IER3IP1: variants seen among roughly 807,000 people sequenced by gnomAD.
IER3IP1 encodes immediate early response 3 interacting protein 1.
Under a neutral mutation model 12.2 loss-of-function variants are expected in IER3IP1, and 16 were observed. That is an observed-to-expected ratio of 1.31 (90% confidence interval 0.89 to 1.99). The LOEUF (loss-of-function observed/expected upper bound fraction) is 1.99. Ranked by LOEUF, IER3IP1 falls within the 30% of genes most tolerant of loss-of-function variation. The pLI is 0.00. For missense variants in IER3IP1, 95 were observed against 95.8 expected, an observed-to-expected ratio of 0.99 and a Z score of 0.03; for synonymous variants, 42 against 40.0, an observed-to-expected ratio of 1.05 and a Z score of -0.19.
intron 1 of IER3IP1, among the ~76,000 whole-genome samples, chr18:47,171,390 A>G (rs2064014911): frequency 6.6e-6 from 1 of 152,214 alleles, no homozygotes; most frequent in African/African-American, 2.4e-5. Context: ...ACATCATGGC[A>G]TGAATTGAAA....
In IER3IP1 at chr18:47,172,961, C is replaced by T. The variant is rs58475024; in HGVS notation, c.91+3226G>A. Among the ~76,000 whole-genome samples the T allele has an allele frequency of 5.2e-3, 797 of 152,314 alleles. 7 individuals are homozygous for T. The highest frequency in any genetic ancestry group is 0.018 in the African/African-American group (760 of 41,564). ...ATACTAGAGGAGATTCTAGGGCTGTCTGGGGCACCAATTCTTTTTGTACTC... is the reference window on the plus strand; with the variant it reads ...ATACTAGAGGAGATTCTAGGGCTGTTTGGGGCACCAATTCTTTTTGTACTC... On this transcript the variant is annotated intron_variant, in intron 1 of 2. Transcript: ENST00000256433. This position sits in a 1 kb window ranked among gnomAD's most constrained non-coding sequence, Gnocchi z 4.0.
intron 1 of IER3IP1, among the ~76,000 whole-genome samples, chr18:47,165,042 A>G (rs986745967): frequency 3.9e-5 from 6 of 152,238 alleles, no homozygotes; most frequent in East Asian, 1.9e-4. Context: ...CATATTTTGA[A>G]GAAAAAGTAC....
At chr18:47,165,882 G>A (rs771176402) in intron 1 of IER3IP1, among the ~76,000 whole-genome samples, 21 of 152,220 alleles carry the variant, frequency 1.4e-4, no homozygotes, top group Admixed American at 3.3e-4. Context: ...CCAGAACAGT[G>A]AGAAAATTGT....
intron 1 of IER3IP1, among the ~76,000 whole-genome samples, chr18:47,164,181 C>T (rs553722180): frequency 7.3e-5 from 11 of 151,566 alleles, no homozygotes; most frequent in South Asian, 6.3e-4. Flanking sequence ...TCTACAATAC[C>T]GGAATTAACA....
intron 1 of IER3IP1, among the ~76,000 whole-genome samples, chr18:47,174,968 G>A (rs2064027340): frequency 6.6e-6 from 1 of 152,100 alleles, no homozygotes; most frequent in African/African-American, 2.4e-5. Context: ...GTATCTGCCC[G>A]TACTTCTCTT....
At chr18:47,167,856 G>A (rs1468739967) in intron 1 of IER3IP1, among the ~76,000 whole-genome samples, 1 of 152,072 alleles carries the variant, frequency 6.6e-6, no homozygotes, top group Non-Finnish European at 1.5e-5. Flanking sequence ...GTGCGTGGTG[G>A]CTTAAACCTG....
At chr18:47,170,024 T>C (rs1051172759) in intron 1 of IER3IP1, among the ~76,000 whole-genome samples, 1 of 152,172 alleles carries the variant, frequency 6.6e-6, no homozygotes, top group Non-Finnish European at 1.5e-5. Flanking sequence ...ACAGAGCTTT[T>C]TGTCTGTATG....
At chr18:47,170,090 A>C (rs1039209582) in intron 1 of IER3IP1, among the ~76,000 whole-genome samples, 1 of 152,082 alleles carries the variant, frequency 6.6e-6, no homozygotes, top group African/African-American at 2.4e-5. Flanking sequence ...TATGATTATG[A>C]GTTAATTTTT....
chr18:47,168,249 C>T (rs1600000000), intron 1 of IER3IP1, among the ~76,000 whole-genome samples: 1 of 139,434 alleles, frequency 7.2e-6, no homozygotes, highest in South Asian at 2.2e-4. Flanking sequence ...ATGCAGTGAG[C>T]AGAGATCATG....
At position 47,157,242 on chromosome 18, in the gene IER3IP1, C is replaced by G. The variant is rs1599992264; in HGVS notation, c.193+194G>C. On this transcript the variant is annotated intron_variant, in intron 2 of 2. Coordinates refer to ENST00000256433, the MANE Select transcript of IER3IP1 (RefSeq NM_016097.5). The stretch of plus-strand genomic sequence containing the variant: ...ATACTAAGCATTCTATTTGTACCAA[C>G]TGGCTTAGATAGAAGTAAGAAGCAA... The G allele has an allele frequency of 9.9e-6, 6 of 604,690 alleles. No individual in the cohort carries two copies. In the East Asian group the frequency reaches 1.7e-4, roughly 17 times the overall value. 37.5% of individuals were successfully genotyped at this position (604,690 alleles called of 1,614,324 possible).
rs746950215 is a variant in IER3IP1, at chr18:47,176,247, C to A, written c.31G>T (p.Ala11Ser). 5 of 1,609,484 alleles carry A rather than the reference C, an allele frequency of 3.1e-6. No individual in the cohort carries two copies. Among genetic ancestry groups the A allele is most frequent in the Non-Finnish European group, 4.2e-6 (5 of 1,178,142 alleles). Residue 11 changes from alanine (A) to serine (S), a missense_variant, in exon 1 of 3, where the codon GCA becomes TCA. Coordinates refer to ENST00000256433, the MANE Select transcript of IER3IP1 (RefSeq NM_016097.5). Reference protein sequence around the residue: MAFTLYSLLQAALLCVNAIAV... With the variant: MAFTLYSLLQSALLCVNAIAV... ...ATGGCGTTGACGCAGAGCAGGGCTG[C>A]CTGCAGCAGTGAGTACAGGGTAAAG...
At position 47,162,539 on chromosome 18, in the gene IER3IP1, G is replaced by A. The variant is rs185859127; in HGVS notation, c.92-5002C>T. Among the ~76,000 whole-genome samples, 540 of 152,138 alleles carry A rather than the reference G, an allele frequency of 3.5e-3. 1 individual carries two copies. The highest frequency in any genetic ancestry group is 0.013 in the African/African-American group (522 of 41,518). On this transcript the variant is annotated intron_variant, in intron 1 of 2. Coordinates refer to ENST00000256433, the MANE Select transcript of IER3IP1 (RefSeq NM_016097.5). ...ACCCTAAGAACAGATCCCATCCAGG[G>A]ATCAAGCAGCTCTTGCTACATTAGG...
chr18:47,156,374 A>G, intron 2 of IER3IP1, 142 bp from the exon 3 acceptor site: 1 of 623,352 alleles, frequency 1.6e-6, no homozygotes, highest in Non-Finnish European at 2.8e-6. Context: ...TAACAAAGAA[A>G]CATTCTAAAA....
In IER3IP1 at chr18:47,172,834, C is replaced by A. The variant is rs2064019580; in HGVS notation, c.91+3353G>T. Among the ~76,000 whole-genome samples, 1 of 152,216 alleles carries A rather than the reference C, an allele frequency of 6.6e-6. No individual in the cohort carries two copies. Among genetic ancestry groups the A allele is most frequent in the Non-Finnish European group, 1.5e-5 (1 of 68,042 alleles). The stretch of plus-strand genomic sequence containing the variant: ...TGTTGTAGTATCTCTTCAAACACTT[C>A]CTGACTCTGGTGAAATCCCACTGTC... On this transcript the variant is annotated intron_variant, in intron 1 of 2. Transcript: ENST00000256433. This position sits in a 1 kb window ranked among gnomAD's most constrained non-coding sequence, Gnocchi z 4.0.
chr18:47,171,420 C>T (rs562762130), intron 1 of IER3IP1, among the ~76,000 whole-genome samples: 20 of 152,306 alleles, frequency 1.3e-4, no homozygotes, highest in African/African-American at 4.8e-4. Context: ...TCCCCTCCAT[C>T]TTTTGGAAGA....
chr18:47,170,657 T>C (rs1436420160), intron 1 of IER3IP1, among the ~76,000 whole-genome samples: 1 of 152,124 alleles, frequency 6.6e-6, no homozygotes, highest in Non-Finnish European at 1.5e-5. Context: ...ATATTGTAAA[T>C]AAAATTATTT....
chr18:47,163,941 TA>T (rs1327237536), intron 1 of IER3IP1, among the ~76,000 whole-genome samples: 1 of 152,168 alleles, frequency 6.6e-6, no homozygotes, highest in Non-Finnish European at 1.5e-5. Context: ...GTATCATTGG[TA>T]AAATTATCAA....
chr18:47,157,368 C>A, intron 2 of IER3IP1, 68 bp downstream of exon 2: 1 of 1,339,428 alleles, frequency 7.5e-7, no homozygotes, highest in Non-Finnish European at 1.1e-6. Context: ...GGTATTCACA[C>A]TCAGAAGCCT....
At chr18:47,168,603 T>C (rs1445936061) in intron 1 of IER3IP1, among the ~76,000 whole-genome samples, 1 of 152,230 alleles carries the variant, frequency 6.6e-6, no homozygotes, top group African/African-American at 2.4e-5. Context: ...CAGTTCATTC[T>C]TTTTCATTGT....
Sources: allele counts gnomAD v4.1 joint callset (sites outside exome capture counted in the v4.1 genomes callset), GRCh38; gene constraint gnomAD v4.1.1; non-coding constraint Gnocchi (gnomAD v3.1); transcripts MANE v1.5; gene names NCBI Gene and HGNC (gene_info 2026-07-23, HGNC 2026-07-21).